Variants in PRIM2 observed in about 807,000 individuals in gnomAD.
PRIM2 encodes DNA primase large subunit.
In PRIM2, 39 loss-of-function variants were observed where a neutral mutation model predicts 67.3. The observed-to-expected ratio is 0.58, with a 90% confidence interval of 0.45 to 0.76. The LOEUF (loss-of-function observed/expected upper bound fraction) is 0.76. Ranked by LOEUF, PRIM2 falls within the 30% of genes least tolerant of loss-of-function variation. The probability of loss-of-function intolerance (pLI) is 0.00; values close to 1 mark genes in which losing one functional copy is unlikely to be tolerated. For missense variants in PRIM2, 398 were observed against 598.7 expected, an observed-to-expected ratio of 0.66 and a Z score of 3.50; for synonymous variants, 143 against 198.7, an observed-to-expected ratio of 0.72 and a Z score of 2.36.
intron 3 of PRIM2, 51 bp downstream of exon 3, chr6:57,320,611 T>C (rs1767622611): frequency 8.8e-7 from 1 of 1,132,086 alleles, no homozygotes; most frequent in Admixed American, 2.3e-5. Flanking sequence ...CATTTATGTA[T>C]TGAGTGTCAC....
At chr6:57,418,922 A>G (rs1307635943) in intron 7 of PRIM2, among the ~76,000 whole-genome samples, 10 of 152,064 alleles carry the variant, frequency 6.6e-5, no homozygotes, top group Non-Finnish European at 1.5e-5. Flanking sequence ...GACAAATTGT[A>G]GGTCTCCTTT....
At chr6:57,435,310 G>A (rs1232570182) in intron 7 of PRIM2, 1 of 152,252 alleles carries the variant, frequency 6.6e-6, no homozygotes. Context: ...GTGAGGTTTA[G>A]TAGGACTCCG....
intron 8 of PRIM2, among the ~76,000 whole-genome samples, chr6:57,515,290 A>G (rs1774459663): frequency 6.6e-6 from 1 of 152,222 alleles, no homozygotes; most frequent in African/African-American, 2.4e-5. Context: ...AAAATTATAG[A>G]ATGTGAACAG....
chr6:57,399,876 T>C (rs1224529721), intron 7 of PRIM2, among the ~76,000 whole-genome samples: 9 of 152,202 alleles, frequency 5.9e-5, no homozygotes, highest in Non-Finnish European at 1.3e-4. Context: ...TTGCCCACTT[T>C]TTGATGGGGT....
chr6:57,595,254 A>T (rs1269512474), intron 10 of PRIM2, among the ~76,000 whole-genome samples: 1 of 152,218 alleles, frequency 6.6e-6, no homozygotes, highest in Non-Finnish European at 1.5e-5. Context: ...CAAAAGTCAT[A>T]TGTAAGAATG....
At chr6:57,614,837 G>A (rs1272313137) in intron 12 of PRIM2, among the ~76,000 whole-genome samples, 3 of 152,132 alleles carry the variant, frequency 2.0e-5, no homozygotes, top group African/African-American at 7.2e-5. Context: ...GCAACAGAGC[G>A]AGACTCTGTC....
At position 57,320,542 on chromosome 6, in the gene PRIM2, G is replaced by A; in HGVS notation, c.240G>A (p.Lys80=). The A allele has an allele frequency of 1.2e-6, 2 of 1,606,096 alleles. No individual in the cohort carries two copies. The highest frequency in any genetic ancestry group is 1.7e-6 in the Non-Finnish European group (2 of 1,177,470). Residue 80 remains lysine, a synonymous_variant, in exon 3 of 14, where the codon AAG becomes AAA. Coordinates refer to ENST00000615550, the MANE Select transcript of PRIM2 (RefSeq NM_000947.5). ...GTAAGTTGGAGAGTGAGCTTCGGAA[G>A]CTCAAGTTTTCCTACAGAGTAAGTA... is the stretch of plus-strand genomic sequence containing the variant. ...YQSKLESELR[K]LKFSYRENLE... is the part of the protein sequence containing the mutation.
intron 10 of PRIM2, among the ~76,000 whole-genome samples, chr6:57,570,402 C>T (rs1775840562): frequency 6.6e-6 from 1 of 152,116 alleles, no homozygotes; most frequent in South Asian, 2.1e-4. Flanking sequence ...CTTTAATTTC[C>T]TTTTAGAATT....
chr6:57,485,118 A>G (rs1408519851), intron 7 of PRIM2, among the ~76,000 whole-genome samples: 2 of 152,126 alleles, frequency 1.3e-5, no homozygotes, highest in Admixed American at 6.6e-5. Context: ...AGGTGGGATG[A>G]TAAGTAGAGG....
intron 8 of PRIM2, among the ~76,000 whole-genome samples, chr6:57,527,200 G>A (rs1774775164): frequency 6.6e-6 from 1 of 152,054 alleles, no homozygotes; most frequent in Non-Finnish European, 1.5e-5. Context: ...CCATTCACCT[G>A]GAAACATTGT....
At chr6:57,488,716 A>T (rs1773808815) in intron 7 of PRIM2, among the ~76,000 whole-genome samples, 1 of 152,186 alleles carries the variant, frequency 6.6e-6, no homozygotes, top group Non-Finnish European at 1.5e-5. Flanking sequence ...CACGACTCAC[A>T]CAGGCTGTGG....
intron 12 of PRIM2, among the ~76,000 whole-genome samples, chr6:57,619,380 A>T (rs1582023664): frequency 6.6e-6 from 1 of 152,116 alleles, no homozygotes; most frequent in African/African-American, 2.4e-5. Flanking sequence ...CCTAAAAATC[A>T]TACTAGTTCA....
At chr6:57,318,303 C>T in intron 1 of PRIM2, 134 bp from the exon 2 acceptor site, 1 of 800,584 alleles carries the variant, frequency 1.2e-6, no homozygotes. Context: ...GGAATTGCCA[C>T]TGCTAACATT....
chr6:57,294,915 GT>G, the PRIM2 span, among the ~76,000 whole-genome samples: 1 of 151,798 alleles, frequency 6.6e-6, no homozygotes, highest in African/African-American at 2.4e-5. Context: ...ATTTCAAGCA[GT>G]TCTCCTGCCT....
chr6:57,240,091 GT>G, the PRIM2 span, among the ~76,000 whole-genome samples: 30 of 90,008 alleles, frequency 3.3e-4, no homozygotes, highest in Non-Finnish European at 5.3e-4. Context: ...TCAATAATCT[GT>G]TTTTTTTTTT....
chr6:57,326,102 G>C (rs758231909), intron 5 of PRIM2, 57 bp downstream of exon 5: 24 of 1,587,412 alleles, frequency 1.5e-5, no homozygotes, highest in Non-Finnish European at 1.9e-5. Context: ...TTTCCCTTCT[G>C]TCTTAAGTGC....
chr6:57,525,800 C>T (rs1581969953), intron 8 of PRIM2, among the ~76,000 whole-genome samples: 1 of 152,224 alleles, frequency 6.6e-6, no homozygotes, highest in African/African-American at 2.4e-5. Context: ...ATTGTTGTGG[C>T]ACTCATCACA....
At chr6:57,618,084 A>G (rs1304998488) in intron 12 of PRIM2, among the ~76,000 whole-genome samples, 5 of 152,134 alleles carry the variant, frequency 3.3e-5, no homozygotes, top group African/African-American at 1.2e-4. Context: ...TTTCTACTGT[A>G]CTGGTCTATA....
chr6:57,401,802 G>C (rs1770717712), intron 7 of PRIM2, among the ~76,000 whole-genome samples: 1 of 152,212 alleles, frequency 6.6e-6, no homozygotes, highest in Non-Finnish European at 1.5e-5. Flanking sequence ...CTGGTGATGA[G>C]CACTGGGGGT....
Sources: allele counts gnomAD v4.1 joint callset (sites outside exome capture counted in the v4.1 genomes callset), GRCh38; gene constraint gnomAD v4.1.1; transcripts MANE v1.5; gene names NCBI Gene and HGNC (gene_info 2026-07-23, HGNC 2026-07-21).